XRCC5: variants seen among roughly 807,000 people sequenced by gnomAD.
XRCC5 encodes X-ray repair cross complementing 5.
In XRCC5, 12 loss-of-function variants were observed where a neutral mutation model predicts 95.7. The ratio of observed to expected loss-of-function variants is 0.13; its 90% CI spans 0.08 to 0.20. The LOEUF is 0.20. Ranked by LOEUF, XRCC5 falls within the 10% of genes least tolerant of loss-of-function variation. The pLI is 1.00. For missense variants in XRCC5, 595 were observed against 873.9 expected, an observed-to-expected ratio of 0.68 and a Z score of 4.02; for synonymous variants, 281 against 290.3, an observed-to-expected ratio of 0.97 and a Z score of 0.33.
chr2:216,158,559 TCTC>T (rs1688890512), intron 14 of XRCC5, among the ~76,000 whole-genome samples: 1 of 152,186 alleles, frequency 6.6e-6, no homozygotes, highest in South Asian at 2.1e-4. Context: ...ACCTTGGATT[TCTC>T]CTTTTTTTCT....
chr2:216,152,355 G>T (rs1375193406), intron 14 of XRCC5, among the ~76,000 whole-genome samples: 1 of 152,004 alleles, frequency 6.6e-6, no homozygotes, highest in Non-Finnish European at 1.5e-5. Context: ...CACGAAAATT[G>T]CTTGAACCTA....
chr2:216,127,268 T>G (rs920251276), intron 7 of XRCC5, among the ~76,000 whole-genome samples: 5 of 152,102 alleles, frequency 3.3e-5, no homozygotes, highest in Non-Finnish European at 7.4e-5. Context: ...AATAAAAATA[T>G]TAGACAGTCT....
chr2:216,121,398 A>C (rs1159322560), intron 5 of XRCC5, among the ~76,000 whole-genome samples: 1 of 152,212 alleles, frequency 6.6e-6, no homozygotes, highest in Non-Finnish European at 1.5e-5. Context: ...CGGGAAGTCC[A>C]AGATCACAGC....
In XRCC5 at chr2:216,113,108, A is replaced by G; in HGVS notation, c.114A>G (p.Ile38Met). 1 of 1,614,008 alleles carries G rather than the reference A, an allele frequency of 6.2e-7. No homozygotes were observed. Among genetic ancestry groups the G allele is most frequent in the Non-Finnish European group, 8.5e-7 (1 of 1,179,866 alleles). ...CATTTGAACAAGCAAAGAAGGTGAT[A>G]ACCATGTTTGTACAGCGACAGGTAA... ...ESPFEQAKKV[I>M]TMFVQRQVFA... Residue 38 changes from isoleucine (I) to methionine (M), a missense_variant, in exon 2 of 21, where the codon ATA becomes ATG. This residue lies in a region of XRCC5 where 286 missense variants were observed against 491.1 expected (regional missense o/e 0.58). Coordinates refer to ENST00000392132, the MANE Select transcript of XRCC5 (RefSeq NM_021141.4).
chr2:216,168,272 A>G (rs1459840392), intron 16 of XRCC5, among the ~76,000 whole-genome samples: 1 of 152,220 alleles, frequency 6.6e-6, no homozygotes, highest in East Asian at 1.9e-4. Context: ...AATTCCAGAG[A>G]GCCAATTCTT....
intron 16 of XRCC5, among the ~76,000 whole-genome samples, chr2:216,185,258 T>C (rs1035206298): frequency 1.3e-5 from 2 of 152,220 alleles, no homozygotes; most frequent in African/African-American, 2.4e-5. Context: ...GTCTCCTGTG[T>C]TAAATATTTG....
intron 2 of XRCC5, among the ~76,000 whole-genome samples, chr2:216,115,240 A>AC (rs1696671896): frequency 1.3e-5 from 2 of 152,152 alleles, no homozygotes; most frequent in Non-Finnish European, 2.9e-5. Context: ...GTTTCTCTGG[A>AC]TAACTGCCGA....
intron 5 of XRCC5, 72 bp from the exon 6 acceptor site, chr2:216,121,990 C>CACATCAG: frequency 7.5e-7 from 1 of 1,335,784 alleles, no homozygotes; most frequent in Non-Finnish European, 1.0e-6. Flanking sequence ...GACTGATGTG[C>CACATCAG]TCATTTTCTC....
chr2:216,109,351 A>C lies in XRCC5; in HGVS notation c.-86A>C, dbSNP rs1023872969. 8 of 1,604,106 alleles carry C rather than the reference A, an allele frequency of 5.0e-6. No homozygotes were observed. Among genetic ancestry groups the C allele is most frequent in the East Asian group, 2.3e-5 (1 of 44,310 alleles). Reference sequence around the variant, plus strand: ...AGGAAACGAAGCGGCTCTTTCCGCTATCTGCCGCTTGTCCACCGGAAGCGA... The same window carrying C: ...AGGAAACGAAGCGGCTCTTTCCGCTCTCTGCCGCTTGTCCACCGGAAGCGA... On this transcript the variant is annotated 5_prime_UTR_variant, in exon 1 of 21. Transcript: ENST00000392132.
intron 16 of XRCC5, among the ~76,000 whole-genome samples, chr2:216,168,536 C>T (rs1689094595): frequency 6.6e-6 from 1 of 152,142 alleles, no homozygotes; most frequent in African/African-American, 2.4e-5. Context: ...TATTCTTACC[C>T]AGCCTTTAAA....
chr2:216,129,188 T>A (rs757051332), intron 8 of XRCC5, among the ~76,000 whole-genome samples: 3 of 152,154 alleles, frequency 2.0e-5, no homozygotes, highest in Non-Finnish European at 4.4e-5. Context: ...GCATCCCTGG[T>A]TATCTTAGGC....
At chr2:216,134,025 CA>C (rs915276319) in intron 10 of XRCC5, among the ~76,000 whole-genome samples, 94 of 152,232 alleles carry the variant, frequency 6.2e-4, no homozygotes, top group African/African-American at 2.2e-3. Flanking sequence ...GCTTTTTGTT[CA>C]AGATGAAGAA....
At chr2:216,203,595 C>T (rs1689884269) in intron 19 of XRCC5, among the ~76,000 whole-genome samples, 1 of 152,230 alleles carries the variant, frequency 6.6e-6, no homozygotes, top group South Asian at 2.1e-4. Context: ...GACTTCACTT[C>T]CTGGACTTTG....
At chr2:216,197,860 T>TATACATA (rs1559264703) in intron 19 of XRCC5, among the ~76,000 whole-genome samples, 4 of 152,342 alleles carry the variant, frequency 2.6e-5, no homozygotes, top group Non-Finnish European at 5.9e-5. Flanking sequence ...CAATGTAGTA[T>TATACATA]GTATACCAGA....
intron 14 of XRCC5, among the ~76,000 whole-genome samples, chr2:216,149,577 G>C (rs10490362): frequency 0.067 from 10,159 of 150,660 alleles, 1,108 homozygotes; most frequent in African/African-American, 0.23. Flanking sequence ...ACACCTTGCT[G>C]AAGTCTCACT....
At chr2:216,156,239 A>C in intron 14 of XRCC5, 1 of 482,240 alleles carries the variant, frequency 2.1e-6, no homozygotes, top group East Asian at 5.2e-5. Flanking sequence ...CCATAGGTTA[A>C]GTTTCCTTTC....
intron 20 of XRCC5, among the ~76,000 whole-genome samples, chr2:216,204,826 G>A (rs931047995): frequency 9.9e-5 from 15 of 152,154 alleles, no homozygotes; most frequent in African/African-American, 3.1e-4. Flanking sequence ...AAAATAGACC[G>A]ATAGGCATTT....
At chr2:216,157,171 C>T (rs866327883) in intron 14 of XRCC5, among the ~76,000 whole-genome samples, 3 of 152,068 alleles carry the variant, frequency 2.0e-5, no homozygotes, top group Non-Finnish European at 4.4e-5. Flanking sequence ...TCTCTCACTA[C>T]GTCCCAGCTT....
chr2:216,187,749 A>G (rs113352436), intron 16 of XRCC5, among the ~76,000 whole-genome samples: 211 of 134,554 alleles, frequency 1.6e-3, no homozygotes, highest in African/African-American at 5.7e-3. Flanking sequence ...CCTTTAAATA[A>G]TCTCTTCTCT....
Sources: gnomAD v4.1 joint callset for allele counts (sites outside exome capture counted in the v4.1 genomes callset) on GRCh38, gnomAD v4.1.1 for gene constraint, gnomAD v4.1.1 regional missense constraint, MANE v1.5 for transcripts, NCBI Gene and HGNC (gene_info 2026-07-23, HGNC 2026-07-21) for gene names.